MYO5C: variants seen among roughly 807,000 people sequenced by gnomAD.
The protein encoded by MYO5C is myosin VC.
A neutral mutation model predicts 235.7 loss-of-function variants in MYO5C; 194 were observed. The observed-to-expected ratio is 0.82, with a 90% CI of 0.73 to 0.93. MYO5C has a LOEUF of 0.93. Ranked by LOEUF, MYO5C falls within the 40% of genes least tolerant of loss-of-function variation. MYO5C has a pLI of 0.00. For missense variants in MYO5C, 2,038 were observed against 2,127.2 expected (o/e 0.96, Z 0.82); for synonymous variants, 707 against 754.8 (o/e 0.94, Z 1.04).
At chr15:52,263,624 T>TG (rs1164294932) in intron 9 of MYO5C, among the ~76,000 whole-genome samples, 1 of 152,154 alleles carries the variant, frequency 6.6e-6, no homozygotes, top group African/African-American at 2.4e-5. Flanking sequence ...AAATGACATC[T>TG]CCTGCCTGCG....
intron 36 of MYO5C, among the ~76,000 whole-genome samples, chr15:52,207,042 A>G (rs1201216751): frequency 6.6e-6 from 1 of 152,092 alleles, no homozygotes; most frequent in Admixed American, 6.5e-5. Flanking sequence ...CTGAGGCAGG[A>G]GAATTGCTTG....
At chr15:52,278,237 A>G (rs1002259673) in intron 4 of MYO5C, among the ~76,000 whole-genome samples, 9 of 152,220 alleles carry the variant, frequency 5.9e-5, no homozygotes, top group African/African-American at 1.9e-4. Context: ...AAATCTGAGC[A>G]CAAATCCCAG....
intron 19 of MYO5C, 69 bp downstream of exon 19, chr15:52,244,287 C>G: frequency 1.3e-6 from 2 of 1,495,602 alleles, no homozygotes; most frequent in Non-Finnish European, 1.8e-6. Context: ...CTTGATGAGT[C>G]CTCCCCGCCG....
Position 52,223,558 on chromosome 15 carries a change from T to C in MYO5C, c.3613A>G (p.Thr1205Ala), listed in dbSNP as rs753709875. Residue 1205 changes from threonine (T) to alanine (A), a missense_variant, in exon 29 of 41, where the codon ACA becomes GCA. Transcript: ENST00000261839. The part of the protein sequence containing the change: ...ESIRHEVTRL[T>A]SENMMIPDFK... ...TGAGACCATACCATGTTCTCTGATG[T>C]TAGCCTGGTAACTTCATGACGGATG... 6 of 1,613,932 alleles carry C rather than the reference T, an allele frequency of 3.7e-6. No homozygotes were observed. The highest frequency in any genetic ancestry group is 5.1e-6 in the Non-Finnish European group (6 of 1,179,960).
At chr15:52,199,658 A>G (rs1024748099) in intron 38 of MYO5C, among the ~76,000 whole-genome samples, 1 of 152,130 alleles carries the variant, frequency 6.6e-6, no homozygotes, top group African/African-American at 2.4e-5. Context: ...CTAATGCTCA[A>G]TGCCCTACCT....
At chr15:52,202,079 A>G (rs1397234814) in intron 38 of MYO5C, among the ~76,000 whole-genome samples, 4 of 152,186 alleles carry the variant, frequency 2.6e-5, no homozygotes, top group Non-Finnish European at 5.9e-5. Context: ...TTACATTAAA[A>G]TGATCTAAAC....
In MYO5C at chr15:52,205,066, A is replaced by T; in HGVS notation, c.4619T>A (p.Ile1540Lys). Residue 1540 changes from isoleucine to lysine, a missense_variant, in exon 38 of 41, where the codon ATA becomes AAA. Coordinates refer to ENST00000261839, the MANE Select transcript of MYO5C (RefSeq NM_018728.4). The stretch of plus-strand genomic sequence containing the variant: ...CATGGTGTAGCCGTCCGTGTCGTCT[A>T]TGCTAGAGGAGCGCTTCCGGAAGCC... ...PTGFRKRSSS[I>K]DDTDGYTMTS... is the part of the protein sequence containing the mutation. 6.2e-7 allele frequency: 1 copy of T among 1,614,222 alleles called. No homozygotes were observed. The highest frequency in any genetic ancestry group is 8.5e-7 in the Non-Finnish European group (1 of 1,180,028).
At position 52,195,869 on chromosome 15, in the gene MYO5C, G is replaced by A. The variant is rs147737996; in HGVS notation, c.4996-412C>T. Among the ~76,000 whole-genome samples the A allele has an allele frequency of 1.3e-3, 200 of 150,996 alleles. 1 individual carries two copies. The highest frequency in any genetic ancestry group is 4.8e-3 in the African/African-American group (196 of 41,074). ...GCTGGGGTGCAGTGGCATGATCATG[G>A]CTCACTGCAGCCTCGAACCCCTGGA... On this transcript the variant is annotated intron_variant, in intron 39 of 40. Coordinates refer to ENST00000261839, the MANE Select transcript of MYO5C (RefSeq NM_018728.4).
At chr15:52,249,442 A>G (rs1353917627) in intron 13 of MYO5C, among the ~76,000 whole-genome samples, 1 of 152,210 alleles carries the variant, frequency 6.6e-6, no homozygotes, top group East Asian at 1.9e-4. Context: ...ATATGTGATA[A>G]TTTATTTTTC....
chr15:52,274,674 C>CT (rs955377750), intron 5 of MYO5C, among the ~76,000 whole-genome samples: 95 of 147,778 alleles, frequency 6.4e-4, no homozygotes, highest in African/African-American at 2.3e-3. Context: ...CTTAGTACCC[C>CT]CCCCCCGACA....
Position 52,223,679 on chromosome 15 carries a change from C to G in MYO5C, c.3492G>C (p.Lys1164Asn). The change falls in exon 29 of 41, where the codon AAG becomes AAC. Residue 1164 changes from lysine (K) to asparagine (N), a missense_variant. By Grantham distance (94) the Lys-to-Asn change is moderately conservative. Transcript: ENST00000261839. The stretch of plus-strand genomic sequence containing the variant: ...CTTTGAAGTTCAAAGCTTCAATCTC[C>G]TTTTCATAGCAATCCTTCTGAGACT... Reference protein sequence around the residue: ...HFQSQKDCYEKEIEALNFKVV... With the variant: ...HFQSQKDCYENEIEALNFKVV... 1 of 1,614,104 alleles carries G rather than the reference C, an allele frequency of 6.2e-7. No individual in the cohort carries two copies. The highest frequency in any genetic ancestry group is 1.6e-4 in the Middle Eastern group (1 of 6,062).
rs776741292 is a variant in MYO5C at position 52,244,513 on chromosome 15, C to T, written c.2233G>A (p.Val745Met). The change falls in exon 19 of 41, where the codon GTG becomes ATG. Residue 745 changes from valine to methionine, a missense_variant. Transcript: ENST00000261839. ...AATCGAAGTTTCTCTAAATAAGCCA[C>T]TTGTCCTGCTCTGAAGAAAATTTTG... ...KTKIFFRAGQ[V>M]AYLEKLRLDK... is the part of the protein sequence containing the mutation. The T allele has an allele frequency of 1.9e-6, 3 of 1,614,174 alleles. No homozygotes were observed. Among genetic ancestry groups the T allele is most frequent in the Non-Finnish European group, 2.5e-6 (3 of 1,180,040 alleles).
At chr15:52,196,809 A>G (rs1006240150) in intron 38 of MYO5C, among the ~76,000 whole-genome samples, 3 of 152,282 alleles carry the variant, frequency 2.0e-5, no homozygotes, top group Non-Finnish European at 2.9e-5. Context: ...GAAGACTTCC[A>G]TAAGTATAAA....
At chr15:52,255,828 GGTATACACA>G (rs148227029) in intron 11 of MYO5C, among the ~76,000 whole-genome samples, 2,286 of 151,942 alleles carry the variant, frequency 0.015, 53 homozygotes, top group African/African-American at 0.053. Flanking sequence ...CTTGGTACCT[GGTATACACA>G]GTATACACTC....
rs67197964 is a variant in MYO5C, at chr15:52,230,826, C to CTT, written c.3027-1515_3027-1514dup. 1.9e-3 allele frequency among the ~76,000 whole-genome samples: 243 copies of CTT among 128,586 alleles called. 1 individual carries two copies. The highest frequency in any genetic ancestry group is 9.3e-3 in the East Asian group (39 of 4,190). 84.4% of individuals were successfully genotyped at this position (128,586 alleles called of 152,430 possible). A position where few individuals can be genotyped will look rare whatever the true frequency, so the allele number is the denominator to read the frequency against. On this transcript the variant is annotated intron_variant, in intron 24 of 40. Coordinates refer to ENST00000261839, the MANE Select transcript of MYO5C (RefSeq NM_018728.4). ...AAGGAAAAGGCAGCCAGAAGTCTTC[C>CTT]TTTTTTTTTTTTTTTTTTGGAGACA... is the stretch of plus-strand genomic sequence containing the variant.
chr15:52,295,666 C>T lies in MYO5C; in HGVS notation c.-30G>A. On this transcript the variant is annotated 5_prime_UTR_variant, in exon 1 of 41. Coordinates refer to ENST00000261839, the MANE Select transcript of MYO5C (RefSeq NM_018728.4). ...AGGAGGGGCCGGGGCCAGGCCGGGGCTGCCGAACGTGCGAGGCTCGGGGGC... is the reference window on the plus strand; with the variant it reads ...AGGAGGGGCCGGGGCCAGGCCGGGGTTGCCGAACGTGCGAGGCTCGGGGGC... 1 of 1,406,270 alleles carries T rather than the reference C, an allele frequency of 7.1e-7. No individual in the cohort carries two copies. The highest frequency in any genetic ancestry group is 9.3e-7 in the Non-Finnish European group (1 of 1,080,098). 87.1% of individuals were successfully genotyped at this position (1,406,270 alleles called of 1,614,324 possible).
Position 52,256,619 on chromosome 15 carries a change from A to T in MYO5C, c.1395+20T>A. 6.6e-7 allele frequency: 1 copy of T among 1,518,528 alleles called. No individual in the cohort carries two copies. The highest frequency in any genetic ancestry group is 8.9e-7 in the Non-Finnish European group (1 of 1,118,740). 94.1% of individuals were successfully genotyped at this position (1,518,528 alleles called of 1,614,324 possible). A position where few individuals can be genotyped will look rare whatever the true frequency, so the allele number is the denominator to read the frequency against. ...CGCGCGCGGCTGAGAACTAGTCAAGAAGGCAGAAAGGTCACCTACCATGTT... is the reference window on the plus strand; with the variant it reads ...CGCGCGCGGCTGAGAACTAGTCAAGTAGGCAGAAAGGTCACCTACCATGTT... On this transcript the variant is annotated intron_variant, in intron 11 of 40. Transcript: ENST00000261839.
intron 11 of MYO5C, 114 bp downstream of exon 11, chr15:52,256,525 T>G: frequency 2.8e-6 from 2 of 725,686 alleles, no homozygotes; most frequent in East Asian, 2.6e-5. Context: ...TGCATAAAAA[T>G]TTGCAACCTC....
chr15:52,239,611 C>T, intron 21 of MYO5C, 122 bp downstream of exon 21: 1 of 986,338 alleles, frequency 1.0e-6, no homozygotes. Context: ...CTCAGGTGGT[C>T]CACGTAAACT....
Sources: gnomAD v4.1 joint callset for allele counts (sites outside exome capture counted in the v4.1 genomes callset) on GRCh38, gnomAD v4.1.1 for gene constraint, MANE v1.5 for transcripts, NCBI Gene and HGNC (gene_info 2026-07-23, HGNC 2026-07-21) for gene names.